CDH13: variants seen among roughly 807,000 people sequenced by gnomAD.
The protein encoded by CDH13 is cadherin 13, also known as cadherin-13.
A neutral mutation model predicts 63.8 loss-of-function variants in CDH13; 24 were observed. That is an observed-to-expected ratio of 0.38 (90% CI 0.27 to 0.53). The LOEUF is 0.53. Ranked by LOEUF, CDH13 falls within the 20% of genes least tolerant of loss-of-function variation. CDH13 has a pLI of 0.85. For missense variants in CDH13, 1,049 were observed against 903.1 expected, an observed-to-expected ratio of 1.16 and a Z score of -2.07; for synonymous variants, 503 against 355.3, an observed-to-expected ratio of 1.42 and a Z score of -4.67.
chr16:82,883,052 T>C (rs1262340579), intron 2 of CDH13, among the ~76,000 whole-genome samples: 1 of 152,188 alleles, frequency 6.6e-6, no homozygotes, highest in Non-Finnish European at 1.5e-5. Flanking sequence ...TATCACCTTC[T>C]AAGGGTTAGA....
intron 1 of CDH13, among the ~76,000 whole-genome samples, chr16:82,751,698 A>G (rs1437326988): frequency 8.3e-6 from 1 of 120,768 alleles, no homozygotes; most frequent in Non-Finnish European, 1.7e-5. Context: ...ACCATGGAAA[A>G]CAGGTAAAAA....
rs536074253 is a variant in CDH13, at chr16:83,709,480, A to G, written c.1538+31019A>G. ...ACTCTAGGGGTGCCGTGTGTGCACC[A>G]TTTGAGAAACACGGCCTCTGCACAG... is the stretch of plus-strand genomic sequence containing the variant. On this transcript the variant is annotated intron_variant, in intron 10 of 13. Coordinates refer to ENST00000567109, the MANE Select transcript of CDH13 (RefSeq NM_001257.5). Among the ~76,000 whole-genome samples, 5 of 152,356 alleles carry G rather than the reference A, an allele frequency of 3.3e-5. No homozygotes were observed. In the South Asian group the frequency reaches 8.3e-4, roughly 25 times the overall value.
intron 3 of CDH13, among the ~76,000 whole-genome samples, chr16:83,084,654 T>C (rs373943073): frequency 6.3e-4 from 96 of 152,276 alleles, no homozygotes; most frequent in African/African-American, 2.2e-3. Context: ...ATCCGGAGGC[T>C]GAGGTGGGTG....
At chr16:83,468,834 A>G (rs9933373) in intron 6 of CDH13, among the ~76,000 whole-genome samples, 3,850 of 152,262 alleles carry the variant, frequency 0.025, 165 homozygotes, top group African/African-American at 0.087. Flanking sequence ...AACGTGTGCC[A>G]TGGTGGTTTG....
intron 6 of CDH13, among the ~76,000 whole-genome samples, chr16:83,373,519 G>C (rs949398908): frequency 6.6e-6 from 1 of 152,144 alleles, no homozygotes; most frequent in African/African-American, 2.4e-5. Context: ...ACAGGTAGAG[G>C]GGGTGTGACT....
chr16:83,146,147 T>C (rs1315386164), intron 4 of CDH13, among the ~76,000 whole-genome samples: 2 of 146,242 alleles, frequency 1.4e-5, no homozygotes, highest in African/African-American at 5.3e-5. Context: ...TGAGCCAAGA[T>C]TGTGCCACTG....
intron 9 of CDH13, 75 bp from the exon 10 acceptor site, chr16:83,678,133 T>A: frequency 6.6e-7 from 1 of 1,509,186 alleles, no homozygotes; most frequent in Non-Finnish European, 9.0e-7. Flanking sequence ...TCGTGGAATT[T>A]CAGAGGAAGT....
chr16:83,266,358 TG>T (rs1907621980), intron 5 of CDH13, among the ~76,000 whole-genome samples: 1 of 152,228 alleles, frequency 6.6e-6, no homozygotes, highest in Non-Finnish European at 1.5e-5. Context: ...CATGGATATA[TG>T]GTCCACTTTA....
chr16:82,765,565 T>C (rs1425245186), intron 1 of CDH13, among the ~76,000 whole-genome samples: 1 of 152,130 alleles, frequency 6.6e-6, no homozygotes, highest in Non-Finnish European at 1.5e-5. Flanking sequence ...GGAATCTACA[T>C]TGTGCACGGG....
At chr16:82,794,136 T>C (rs2036460826) in intron 1 of CDH13, among the ~76,000 whole-genome samples, 1 of 152,074 alleles carries the variant, frequency 6.6e-6, no homozygotes, top group Non-Finnish European at 1.5e-5. Context: ...TCGTAAAGTT[T>C]CTTAAAAGGT....
chr16:82,702,605 A>AG (rs140316774), intron 1 of CDH13, among the ~76,000 whole-genome samples: 6,019 of 152,256 alleles, frequency 0.04, 215 homozygotes, highest in African/African-American at 0.084. Flanking sequence ...AATCAATAAA[A>AG]CTTCCATTTG....
At position 82,855,808 on chromosome 16, in the gene CDH13, G is replaced by A. The variant is rs79759891; in HGVS notation, c.46-2554G>A. 4.7e-4 allele frequency among the ~76,000 whole-genome samples: 72 copies of A among 152,292 alleles called. No homozygotes were observed. In the East Asian group the frequency reaches 0.013, roughly 28 times the overall value. On this transcript the variant is annotated intron_variant, in intron 1 of 13. Coordinates refer to ENST00000567109, the MANE Select transcript of CDH13 (RefSeq NM_001257.5). ...TGATGTTGTTCAGGCCAGCCACACGGTGAACCTCCTGAGATTGATTCTTGC... is the reference window on the plus strand; with the variant it reads ...TGATGTTGTTCAGGCCAGCCACACGATGAACCTCCTGAGATTGATTCTTGC...
chr16:83,113,607 A>C (rs2035164893), intron 3 of CDH13, among the ~76,000 whole-genome samples: 1 of 152,218 alleles, frequency 6.6e-6, no homozygotes, highest in South Asian at 2.1e-4. Flanking sequence ...GTGTGATCAG[A>C]AGCTGAGACA....
At chr16:83,204,045 C>G (rs1274236066) in intron 4 of CDH13, among the ~76,000 whole-genome samples, 3 of 152,202 alleles carry the variant, frequency 2.0e-5, no homozygotes, top group Non-Finnish European at 4.4e-5. Flanking sequence ...TTTGAAGTCC[C>G]TCGTCCTGGC....
At chr16:83,063,237 C>G (rs1434352582) in intron 3 of CDH13, among the ~76,000 whole-genome samples, 2 of 152,192 alleles carry the variant, frequency 1.3e-5, no homozygotes, top group African/African-American at 4.8e-5. Context: ...GCTGGAATTA[C>G]AGGTGTGAGC....
intron 2 of CDH13, among the ~76,000 whole-genome samples, chr16:82,931,249 A>AC (rs1240867127): frequency 6.6e-5 from 10 of 152,340 alleles, no homozygotes; most frequent in Admixed American, 6.5e-4. Context: ...TTTTCTCATC[A>AC]TGTAATTGAA....
intron 2 of CDH13, among the ~76,000 whole-genome samples, chr16:83,018,008 C>G (rs964489100): frequency 9.2e-5 from 14 of 152,196 alleles, no homozygotes; most frequent in Non-Finnish European, 1.5e-4. Flanking sequence ...AAAAAACTCT[C>G]TTCTTTTTCA....
intron 7 of CDH13, among the ~76,000 whole-genome samples, chr16:83,583,114 G>A (rs1905788010): frequency 6.6e-6 from 1 of 152,122 alleles, no homozygotes; most frequent in Non-Finnish European, 1.5e-5. Flanking sequence ...TTAGTTTCCA[G>A]CTGCAAAGCT....
chr16:82,780,162 G>A (rs752695956), intron 1 of CDH13, among the ~76,000 whole-genome samples: 18 of 152,076 alleles, frequency 1.2e-4, no homozygotes, highest in Non-Finnish European at 2.2e-4. Flanking sequence ...GAATGGGGGT[G>A]GGGAAAGGTC....
Sources: gnomAD v4.1 joint callset for allele counts (sites outside exome capture counted in the v4.1 genomes callset) on GRCh38, gnomAD v4.1.1 for gene constraint, MANE v1.5 for transcripts, NCBI Gene and HGNC (gene_info 2026-07-23, HGNC 2026-07-21) for gene names.